Variants in UGT1A10 observed in about 807,000 individuals in gnomAD.
UGT1A10 encodes UDP glucuronosyltransferase family 1 member A10, also known as UDP-glucuronosyltransferase 1A10.
In UGT1A10, 49 loss-of-function variants were observed where a neutral mutation model predicts 45.8. That is an observed-to-expected ratio of 1.07 (90% CI 0.85 to 1.36). The LOEUF (loss-of-function observed/expected upper bound fraction) is 1.36, where lower values mean the gene tolerates loss of function less well. Ranked by LOEUF, UGT1A10 falls within the 40% of genes most tolerant of loss-of-function variation. The pLI, the probability that UGT1A10 is intolerant of heterozygous loss-of-function variation, is 0.00. For missense variants in UGT1A10, 745 were observed against 668.6 expected (o/e 1.11, Z -1.26); for synonymous variants, 284 against 249.7 (o/e 1.14, Z -1.29).
At chr2:233,685,853 T>A (rs2074759924) in intron 1 of UGT1A10, among the ~76,000 whole-genome samples, 1 of 152,252 alleles carries the variant, frequency 6.6e-6, no homozygotes, top group African/African-American at 2.4e-5. Flanking sequence ...ATTTGTTTCA[T>A]AGACACAATA....
At chr2:233,732,144 T>G (rs1266752790) in intron 1 of UGT1A10, among the ~76,000 whole-genome samples, 4 of 152,136 alleles carry the variant, frequency 2.6e-5, no homozygotes, top group Admixed American at 2.0e-4. Context: ...TTGTTTGTTT[T>G]TTTTCTTGTA....
At chr2:233,665,274 T>C (rs576584997) in intron 1 of UGT1A10, among the ~76,000 whole-genome samples, 1 of 152,354 alleles carries the variant, frequency 6.6e-6, no homozygotes, top group East Asian at 1.9e-4. Context: ...CCAATTAATA[T>C]TGATATAGAT....
rs377066301 is a variant in UGT1A10 at position 233,682,091 on chromosome 2, G to A, written c.855+44714G>A. The A allele has an allele frequency of 7.4e-6, 12 of 1,613,970 alleles. No homozygotes were observed. In the African/African-American group the frequency reaches 1.5e-4, roughly 20 times the overall value. The stretch of plus-strand genomic sequence containing the variant: ...GGTGGTGGAGAAACTCATCCTCAGG[G>A]GGCATGAGGTGGTCGTAGTCATGCC... On this transcript the variant is annotated intron_variant, in intron 1 of 4. Transcript: ENST00000344644.
In UGT1A10 at chr2:233,637,102, C is replaced by G. The variant is rs1379149606; in HGVS notation, c.580C>G (p.Leu194Val). 1.2e-6 allele frequency: 2 copies of G among 1,613,954 alleles called. No individual in the cohort carries two copies. The highest frequency in any genetic ancestry group is 4.5e-5 in the East Asian group (2 of 44,874). ...TCCTCTTTCCTATGTCCCCAATGAT[C>G]TCTTAGGGTTCTCAGATGCCATGAC... ...PAPLSYVPND[L>V]LGFSDAMTFK... Residue 194 changes from leucine (L) to valine (V), a missense_variant, in exon 1 of 5, where the codon CTC becomes GTC. Coordinates refer to ENST00000344644, the MANE Select transcript of UGT1A10 (RefSeq NM_019075.4).
intron 1 of UGT1A10, chr2:233,721,885 A>G: frequency 2.0e-6 from 1 of 488,602 alleles, no homozygotes; most frequent in South Asian, 1.5e-5. Context: ...CAGCCCCTCC[A>G]TTGCAATATC....
At chr2:233,712,535 T>C (rs1193833371) in intron 1 of UGT1A10, among the ~76,000 whole-genome samples, 1 of 152,206 alleles carries the variant, frequency 6.6e-6, no homozygotes, top group African/African-American at 2.4e-5. Context: ...GTTACCCATA[T>C]GTGGGAAGAA....
At chr2:233,754,816 C>A (rs1436374253) in intron 1 of UGT1A10, 2 of 1,325,550 alleles carry the variant, frequency 1.5e-6, no homozygotes, top group Admixed American at 3.9e-5. Context: ...GAAAAACCAC[C>A]CTCAAAAGCT....
At position 233,767,866 on chromosome 2, in the gene UGT1A10, T is replaced by G. The variant is rs772563329; in HGVS notation, c.1005T>G (p.Thr335=). Reference sequence around the variant, plus strand: ...CCTCCCAGGTCCTGTGGCGGTACACTGGAACCCGACCATCGAATCTTGCGA... The same window carrying G: ...CCTCCCAGGTCCTGTGGCGGTACACGGGAACCCGACCATCGAATCTTGCGA... ...KIPQTVLWRY[T]GTRPSNLANN... The change falls in exon 3 of 5, where the codon ACT becomes ACG. Residue 335 remains threonine (T), a synonymous_variant. Coordinates refer to ENST00000344644, the MANE Select transcript of UGT1A10 (RefSeq NM_019075.4). The G allele has an allele frequency of 3.1e-6, 5 of 1,614,214 alleles. No individual in the cohort carries two copies. The highest frequency in any genetic ancestry group is 4.2e-6 in the Non-Finnish European group (5 of 1,180,038).
At chr2:233,698,897 C>T (rs1008517495) in intron 1 of UGT1A10, among the ~76,000 whole-genome samples, 2 of 152,370 alleles carry the variant, frequency 1.3e-5, no homozygotes. Context: ...TACCTGCCTC[C>T]TCTGCCCAAG....
intron 1 of UGT1A10, among the ~76,000 whole-genome samples, chr2:233,715,215 C>T (rs930833996): frequency 2.6e-5 from 4 of 152,140 alleles, no homozygotes; most frequent in Non-Finnish European, 5.9e-5. Context: ...AGACCCTCTA[C>T]TGAATCTGCC....
At chr2:233,724,876 G>A (rs1425686666) in intron 1 of UGT1A10, among the ~76,000 whole-genome samples, 5 of 132,730 alleles carry the variant, frequency 3.8e-5, no homozygotes, top group South Asian at 5.6e-4. Context: ...GTAGTGAGCG[G>A]AGATCACGCC....
intron 1 of UGT1A10, among the ~76,000 whole-genome samples, chr2:233,757,562 G>GTATATATATATATATATATATATACATA (rs1491042837): frequency 2.2e-5 from 2 of 90,870 alleles, no homozygotes; most frequent in African/African-American, 1.0e-4. Flanking sequence ...ATATATATAT[G>GTATATATATATATATATATATATACATA]TATATATGAT....
intron 1 of UGT1A10, among the ~76,000 whole-genome samples, chr2:233,664,204 A>G (rs566730246): frequency 2.3e-4 from 35 of 152,194 alleles, no homozygotes; most frequent in African/African-American, 8.4e-4. Context: ...TGATTTTTCT[A>G]TCAGTATTTT....
intron 1 of UGT1A10, among the ~76,000 whole-genome samples, chr2:233,709,487 T>G (rs1422888442): frequency 6.6e-6 from 1 of 152,212 alleles, no homozygotes; most frequent in Non-Finnish European, 1.5e-5. Flanking sequence ...TATTTAGTAT[T>G]TGAAGTCTCT....
chr2:233,772,155 C>T, intron 4 of UGT1A10, 107 bp from the exon 5 acceptor site: 1 of 1,559,740 alleles, frequency 6.4e-7, no homozygotes, highest in Non-Finnish European at 8.7e-7. Context: ...GGTTTCCTTT[C>T]CCAAGTTTGG....
chr2:233,762,151 A>G (rs1420565083), intron 1 of UGT1A10, among the ~76,000 whole-genome samples: 1 of 152,124 alleles, frequency 6.6e-6, no homozygotes, highest in Non-Finnish European at 1.5e-5. Context: ...CTTTGCATTA[A>G]TCACATCCAC....
intron 4 of UGT1A10, 74 bp from the exon 5 acceptor site, chr2:233,772,188 C>A (rs1559419594): frequency 1.1e-5 from 17 of 1,595,306 alleles, no homozygotes; most frequent in Middle Eastern, 2.0e-4. Context: ...TCTTCTTAAG[C>A]AGCCATGAGC....
intron 1 of UGT1A10, among the ~76,000 whole-genome samples, chr2:233,757,321 C>G (rs1250382430): frequency 6.6e-6 from 1 of 150,460 alleles, no homozygotes; most frequent in Non-Finnish European, 1.5e-5. Context: ...GGCTGGGGCC[C>G]TGAAATGGGA....
In UGT1A10 at chr2:233,713,389, A is replaced by G. The variant is rs751275853; in HGVS notation, c.856-53645A>G. On this transcript the variant is annotated intron_variant, in intron 1 of 4. Transcript: ENST00000344644. ...CATAGGTCTTGTGTGGAGCTACTGC[A>G]TAATGAGGCCCTGATCAGGCACCTG... 3 of 1,614,218 alleles carry G rather than the reference A, an allele frequency of 1.9e-6. No individual in the cohort carries two copies. The East Asian group carries it at 6.7e-5, about 36-fold the overall frequency.
Sources: gnomAD v4.1 joint callset for allele counts (sites outside exome capture counted in the v4.1 genomes callset) on GRCh38, gnomAD v4.1.1 for gene constraint, MANE v1.5 for transcripts, NCBI Gene and HGNC (gene_info 2026-07-23, HGNC 2026-07-21) for gene names.